The following IKZF1 variants were observed in gnomAD, a reference collection of about 807,000 sequenced individuals.
The protein encoded by IKZF1 is IKAROS family zinc finger 1.
A neutral mutation model predicts 51.7 loss-of-function variants in IKZF1; 10 were observed. The ratio of observed to expected loss-of-function variants is 0.19; its 90% CI spans 0.12 to 0.33. IKZF1 has a LOEUF of 0.33. Among genes scored for constraint, IKZF1 ranks in the 10% least tolerant of loss-of-function variants. The pLI is 1.00. For missense variants in IKZF1, 484 were observed against 707.5 expected (o/e 0.68, Z 3.58); for synonymous variants, 280 against 282.3 (o/e 0.99, Z 0.08).
chr7:50,321,433 GGATCTCA>G lies in IKZF1; in HGVS notation c.40+2333_40+2339del, dbSNP rs1793265569. Among the ~76,000 whole-genome samples the G allele has an allele frequency of 2.0e-5, 3 of 152,212 alleles. No individual in the cohort carries two copies. In the South Asian group the frequency reaches 6.2e-4, roughly 31 times the overall value. On this transcript the variant is annotated intron_variant, in intron 2 of 7. Transcript: ENST00000331340. ...GACTGTAATCCTCACTCATGGAAGA[GGATCTCA>G]TTCACTGGGTTTGCTGACTGTGACT... is the stretch of plus-strand genomic sequence containing the variant.
chr7:50,396,014 C>T (rs895404201), intron 7 of IKZF1, among the ~76,000 whole-genome samples: 11 of 152,152 alleles, frequency 7.2e-5, no homozygotes, highest in African/African-American at 2.7e-4. Flanking sequence ...CTTTATTTAA[C>T]CTTGAAGTTA....
At position 50,391,774 on chromosome 7, in the gene IKZF1, G is replaced by A. The variant is rs2153501135; in HGVS notation, c.761G>A (p.Cys254Tyr). The A allele has an allele frequency of 6.2e-7, 1 of 1,614,010 alleles. No individual in the cohort carries two copies. Among genetic ancestry groups the A allele is most frequent in the Non-Finnish European group, 8.5e-7 (1 of 1,179,886 alleles). Residue 254 changes from cysteine to tyrosine, a missense_variant, in exon 7 of 8, where the codon TGC becomes TAC. Physicochemically the swap from Cys to Tyr is radical, Grantham distance 194 (BLOSUM62 -2). This residue lies in a region of IKZF1 where 172 missense variants were observed against 192.7 expected (regional missense o/e 0.89). Transcript: ENST00000331340. ...TNHSEMAEDL[C>Y]KIGSERSLVL... ...CACAGTGAAATGGCAGAAGACCTGT[G>A]CAAGATAGGATCAGAGAGATCTCTC...
At chr7:50,313,168 A>G (rs1790612257) in intron 1 of IKZF1, among the ~76,000 whole-genome samples, 1 of 152,176 alleles carries the variant, frequency 6.6e-6, no homozygotes, top group Admixed American at 6.5e-5. Flanking sequence ...GATATGATAG[A>G]TTTGCAAAAG....
chr7:50,347,984 G>A (rs2092241524), intron 3 of IKZF1, among the ~76,000 whole-genome samples: 1 of 152,152 alleles, frequency 6.6e-6, no homozygotes, highest in Admixed American at 6.5e-5. Context: ...GGCCCACTTT[G>A]CAAGGTACAC....
intron 1 of IKZF1, chr7:50,318,365 G>A (rs911087254): frequency 4.4e-6 from 1 of 228,428 alleles, no homozygotes; most frequent in Non-Finnish European, 8.7e-6. Context: ...AGGAAGGCTC[G>A]GGCTGTCTCC....
intron 3 of IKZF1, among the ~76,000 whole-genome samples, chr7:50,373,143 G>A (rs1237395317): frequency 6.6e-6 from 1 of 152,190 alleles, no homozygotes; most frequent in Non-Finnish European, 1.5e-5. Context: ...TTTCCCCCAT[G>A]CTTCTGTTTC....
At chr7:50,360,686 G>C (rs1316339308) in intron 3 of IKZF1, among the ~76,000 whole-genome samples, 1 of 152,252 alleles carries the variant, frequency 6.6e-6, no homozygotes, top group African/African-American at 2.4e-5. Context: ...GTTGATCAAA[G>C]GCTCTTGCCT....
At chr7:50,333,110 C>G (rs1184443764) in intron 3 of IKZF1, among the ~76,000 whole-genome samples, 1 of 151,380 alleles carries the variant, frequency 6.6e-6, no homozygotes, top group Non-Finnish European at 1.5e-5. Flanking sequence ...GAAAAGAAAT[C>G]TAGGTATTTT....
At chr7:50,322,409 A>T (rs1793625909) in intron 2 of IKZF1, among the ~76,000 whole-genome samples, 1 of 152,148 alleles carries the variant, frequency 6.6e-6, no homozygotes, top group African/African-American at 2.4e-5. Flanking sequence ...CTTTTTTTCA[A>T]AGCACTGGGT....
intron 3 of IKZF1, among the ~76,000 whole-genome samples, chr7:50,339,961 A>C: frequency 6.6e-6 from 1 of 152,264 alleles, no homozygotes; most frequent in East Asian, 1.9e-4. Context: ...AATTCCTGTG[A>C]TTAAGTTGGT....
chr7:50,344,440 C>T (rs1285730138), intron 3 of IKZF1, among the ~76,000 whole-genome samples: 1 of 152,194 alleles, frequency 6.6e-6, no homozygotes, highest in Non-Finnish European at 1.5e-5. Flanking sequence ...CACACATCCC[C>T]AACCCACAGG....
At chr7:50,356,997 C>T (rs1188983156) in intron 3 of IKZF1, among the ~76,000 whole-genome samples, 4 of 151,716 alleles carry the variant, frequency 2.6e-5, no homozygotes, top group African/African-American at 9.7e-5. Flanking sequence ...CTAGAGTAAC[C>T]GAGAGCAGGA....
intron 3 of IKZF1, among the ~76,000 whole-genome samples, chr7:50,366,083 A>G (rs1584810330): frequency 6.6e-6 from 1 of 152,172 alleles, no homozygotes; most frequent in Non-Finnish European, 1.5e-5. Context: ...AGGAGAATAC[A>G]TGGGCACATA....
chr7:50,399,742 G>C (rs1282593136), intron 7 of IKZF1, among the ~76,000 whole-genome samples, 176 bp from the exon 8 acceptor site: 4 of 152,198 alleles, frequency 2.6e-5, no homozygotes, highest in Non-Finnish European at 4.4e-5. Context: ...TATGGTGCAG[G>C]TGTGATGTGT....
upstream of IKZF1, among the ~76,000 whole-genome samples, chr7:50,303,665 G>T (rs1788093447): frequency 1.3e-5 from 2 of 152,082 alleles, no homozygotes; most frequent in South Asian, 4.1e-4. This position sits in a 1 kb window ranked among gnomAD's most constrained non-coding sequence, Gnocchi z 4.7. Flanking sequence ...GGGAGCCAAG[G>T]GGCCCCAGTT....
At chr7:50,306,776 C>G (rs1788911409) in intron 1 of IKZF1, among the ~76,000 whole-genome samples, 1 of 152,184 alleles carries the variant, frequency 6.6e-6, no homozygotes, top group Admixed American at 6.5e-5. Flanking sequence ...AGTTTGAGAA[C>G]AGTGGTTCTT....
In IKZF1 at chr7:50,404,190, A is replaced by C. The variant is rs1351004873; in HGVS notation, c.*3563A>C. 1 of 215,434 alleles carries C rather than the reference A, an allele frequency of 4.6e-6. No homozygotes were observed. The highest frequency in any genetic ancestry group is 9.4e-6 in the Non-Finnish European group (1 of 106,586). The allele number at this position is 215,434 out of a possible 1,614,324, so 13.3% of individuals were successfully genotyped here. On this transcript the variant is annotated 3_prime_UTR_variant, in exon 8 of 8. Transcript: ENST00000331340. ...GTTTTTTATAATGTTGTGTGTGGTG[A>C]TTGTTCAGGTCGAATCTGTTGTATC...
chr7:50,358,582 A>G (rs531082935), intron 3 of IKZF1, among the ~76,000 whole-genome samples: 1 of 152,174 alleles, frequency 6.6e-6, no homozygotes, highest in South Asian at 2.1e-4. Context: ...CATGGCTCGG[A>G]CTCCAGAGCT....
intron 7 of IKZF1, among the ~76,000 whole-genome samples, chr7:50,397,915 C>G (rs921629195): frequency 6.6e-6 from 1 of 151,992 alleles, no homozygotes; most frequent in Non-Finnish European, 1.5e-5. Context: ...TAGATGAAAA[C>G]GAATGGAAAC....
Sources: gnomAD v4.1 joint callset for allele counts (sites outside exome capture counted in the v4.1 genomes callset) on GRCh38, gnomAD v4.1.1 for gene constraint, gnomAD v4.1.1 regional missense constraint, Gnocchi (gnomAD v3.1) non-coding constraint, MANE v1.5 for transcripts, NCBI Gene and HGNC (gene_info 2026-07-23, HGNC 2026-07-21) for gene names.